Variants in HS3ST4 observed in about 807,000 individuals in gnomAD.
HS3ST4 encodes the protein heparan sulfate glucosamine 3-O-sulfotransferase 4.
Under a neutral mutation model 29.2 loss-of-function variants are expected in HS3ST4, and 17 were observed. The observed-to-expected ratio is 0.58, with a 90% CI of 0.40 to 0.87. The LOEUF is 0.87. Ranked by LOEUF, HS3ST4 falls within the 40% of genes least tolerant of loss-of-function variation. HS3ST4 has a pLI of 0.00. For synonymous variants in HS3ST4, 314 were observed against 285.7 expected (o/e 1.10, Z -1.00); for missense variants, 627 against 634.5 (o/e 0.99, Z 0.13).
chr16:26,130,649 A>G (rs1054080343), intron 1 of HS3ST4, among the ~76,000 whole-genome samples: 1 of 152,236 alleles, frequency 6.6e-6, no homozygotes, highest in Non-Finnish European at 1.5e-5. Flanking sequence ...GAAGAAGTTC[A>G]TGAACATCTT....
chr16:26,015,756 A>G (rs1969357194), intron 1 of HS3ST4, among the ~76,000 whole-genome samples: 1 of 152,196 alleles, frequency 6.6e-6, no homozygotes. Context: ...TCTAGGTGTT[A>G]CTTCCCAGGA....
chr16:26,036,776 T>C (rs1372057955), intron 1 of HS3ST4, among the ~76,000 whole-genome samples: 5 of 152,206 alleles, frequency 3.3e-5, no homozygotes, highest in African/African-American at 1.2e-4. Context: ...ATCTGTATCT[T>C]GGAGGGTTTC....
chr16:25,971,030 T>C (rs1308388289), intron 1 of HS3ST4, among the ~76,000 whole-genome samples: 3 of 152,066 alleles, frequency 2.0e-5, no homozygotes, highest in African/African-American at 7.2e-5. Context: ...TTTGTATTTT[T>C]AGTAGAGACG....
rs1384420609 is a variant in HS3ST4, at chr16:25,985,388, T to A, written c.735-150224T>A. On this transcript the variant is annotated intron_variant, in intron 1 of 1. Transcript: ENST00000331351. Reference sequence around the variant, plus strand: ...TGGTTGCTTGCAGTTCTGTAGAGAGTGAGTCCAGTGAAGTGGTAGGGTACA... The same window carrying A: ...TGGTTGCTTGCAGTTCTGTAGAGAGAGAGTCCAGTGAAGTGGTAGGGTACA... 2.0e-5 allele frequency among the ~76,000 whole-genome samples: 3 copies of A among 151,962 alleles called. No individual in the cohort carries two copies. The East Asian group carries it at 5.8e-4, about 29-fold the overall frequency.
chr16:26,045,718 A>G (rs187797281), intron 1 of HS3ST4, among the ~76,000 whole-genome samples: 123 of 152,164 alleles, frequency 8.1e-4, no homozygotes, highest in African/African-American at 2.9e-3. Context: ...TTGTTCACGA[A>G]TTTTCCATCT....
intron 1 of HS3ST4, among the ~76,000 whole-genome samples, chr16:25,801,595 T>C (rs1966935056): frequency 6.6e-6 from 1 of 152,196 alleles, no homozygotes; most frequent in African/African-American, 2.4e-5. Flanking sequence ...CTGGTGAGAC[T>C]TTGCCAGTTA....
At chr16:25,728,487 A>G (rs1268365818) in intron 1 of HS3ST4, among the ~76,000 whole-genome samples, 3 of 152,246 alleles carry the variant, frequency 2.0e-5, no homozygotes, top group Non-Finnish European at 4.4e-5. Context: ...AAGTATATAA[A>G]GAGCCTAGCC....
At chr16:26,055,804 C>T (rs546222174) in intron 1 of HS3ST4, among the ~76,000 whole-genome samples, 1 of 152,086 alleles carries the variant, frequency 6.6e-6, no homozygotes, top group South Asian at 2.1e-4. Flanking sequence ...TGTAGCTCAC[C>T]TTGGCTGAAT....
chr16:26,044,867 G>A (rs887313546), intron 1 of HS3ST4, among the ~76,000 whole-genome samples: 1 of 152,244 alleles, frequency 6.6e-6, no homozygotes, highest in East Asian at 1.9e-4. Context: ...GGGACCGAGA[G>A]CTTTATTATG....
At chr16:26,040,750 A>T (rs1257923059) in intron 1 of HS3ST4, among the ~76,000 whole-genome samples, 1 of 152,116 alleles carries the variant, frequency 6.6e-6, no homozygotes. Context: ...TATGGAAGTC[A>T]TAAGTATTAC....
At chr16:26,086,680 C>T (rs998827815) in intron 1 of HS3ST4, among the ~76,000 whole-genome samples, 1 of 152,178 alleles carries the variant, frequency 6.6e-6, no homozygotes, top group African/African-American at 2.4e-5. Flanking sequence ...GCACCTAGAA[C>T]AATGCCTATC....
chr16:25,828,558 C>T (rs1181550889), intron 1 of HS3ST4, among the ~76,000 whole-genome samples: 1 of 151,912 alleles, frequency 6.6e-6, no homozygotes, highest in Non-Finnish European at 1.5e-5. Flanking sequence ...CCAGGCCAGA[C>T]TCGATCTCCT....
At chr16:26,010,888 A>G (rs1432644271) in intron 1 of HS3ST4, among the ~76,000 whole-genome samples, 2 of 152,222 alleles carry the variant, frequency 1.3e-5, no homozygotes, top group East Asian at 1.9e-4. Context: ...ATTATATGAA[A>G]CAATTATCTT....
intron 1 of HS3ST4, among the ~76,000 whole-genome samples, chr16:26,037,568 T>C (rs891564502): frequency 2.4e-4 from 37 of 152,150 alleles, no homozygotes; most frequent in African/African-American, 8.9e-4. Context: ...ATGCTGCCAA[T>C]ATTGGCAAAT....
At chr16:25,958,006 C>T (rs115498055) in intron 1 of HS3ST4, among the ~76,000 whole-genome samples, 1,993 of 152,182 alleles carry the variant, frequency 0.013, 42 homozygotes, top group African/African-American at 0.043. Context: ...GTGTGTGCTA[C>T]GGGTCAGGCA....
chr16:25,732,430 G>A (rs1055648951), intron 1 of HS3ST4, among the ~76,000 whole-genome samples: 5 of 152,156 alleles, frequency 3.3e-5, no homozygotes, highest in African/African-American at 9.7e-5. Context: ...GCTGACCTCT[G>A]TAGCTCTACC....
At chr16:25,943,917 C>T (rs193242694) in intron 1 of HS3ST4, among the ~76,000 whole-genome samples, 93 of 152,136 alleles carry the variant, frequency 6.1e-4, no homozygotes, top group Non-Finnish European at 1.2e-3. Flanking sequence ...AAAAGTACTT[C>T]GTACATTTAG....
intron 1 of HS3ST4, among the ~76,000 whole-genome samples, chr16:25,761,222 G>C (rs1229153152): frequency 6.6e-6 from 1 of 152,138 alleles, no homozygotes; most frequent in Non-Finnish European, 1.5e-5. Context: ...CCATCACCAT[G>C]CATCATTACA....
chr16:25,766,153 A>G (rs1456047557), intron 1 of HS3ST4, among the ~76,000 whole-genome samples: 2 of 151,938 alleles, frequency 1.3e-5, no homozygotes, highest in African/African-American at 2.4e-5. Context: ...GGTCTTAGGG[A>G]GCTTGGTTAA....
Sources: gnomAD v4.1 joint callset for allele counts (sites outside exome capture counted in the v4.1 genomes callset) on GRCh38, gnomAD v4.1.1 for gene constraint, MANE v1.5 for transcripts, NCBI Gene and HGNC (gene_info 2026-07-23, HGNC 2026-07-21) for gene names.